Variants in SGSM3 observed in about 807,000 individuals in gnomAD.
SGSM3 encodes small G protein signaling modulator 3.
Under a neutral mutation model 100.5 loss-of-function variants are expected in SGSM3, and 96 were observed. The observed-to-expected ratio is 0.96, with a 90% CI of 0.81 to 1.13. The LOEUF (loss-of-function observed/expected upper bound fraction) is 1.13. Ranked by LOEUF, SGSM3 falls within the 50% of genes most tolerant of loss-of-function variation. The pLI is 0.00. For missense variants in SGSM3, 1,001 were observed against 1,015.8 expected (o/e 0.99, Z 0.20); for synonymous variants, 483 against 422.8 (o/e 1.14, Z -1.75).
chr22:40,400,299 A>G (rs1421129595), intron 1 of SGSM3, among the ~76,000 whole-genome samples: 1 of 152,202 alleles, frequency 6.6e-6, no homozygotes. Context: ...GTTGTCACCT[A>G]CTTCCTTTCG....
chr22:40,409,972 A>C lies in SGSM3; in HGVS notation c.*213A>C. ...GGTCCTTAGGGATGCTCTAGGCCAA[A>C]CCACAGTTTGTACCAAAAACCTTGT... is the stretch of plus-strand genomic sequence containing the variant. On this transcript the variant is annotated 3_prime_UTR_variant, in exon 22 of 22. Transcript: ENST00000248929. 7.4e-7 allele frequency: 1 copy of C among 1,350,498 alleles called. No individual in the cohort carries two copies. The highest frequency in any genetic ancestry group is 3.7e-5 in the Admixed American group (1 of 27,132). The allele number at this position is 1,350,498 out of a possible 1,614,324, so 83.7% of individuals were successfully genotyped here.
chr22:40,402,575 A>G (rs532638397), intron 4 of SGSM3, among the ~76,000 whole-genome samples: 1 of 152,288 alleles, frequency 6.6e-6, no homozygotes, highest in Non-Finnish European at 1.5e-5. Context: ...CCCCATCTCT[A>G]CTAAAAATAC....
chr22:40,409,936 T>G lies in SGSM3; in HGVS notation c.*177T>G. The G allele has an allele frequency of 4.3e-6, 6 of 1,395,558 alleles. No homozygotes were observed. The highest frequency in any genetic ancestry group is 2.7e-5 in the East Asian group (1 of 36,774). 86.4% of individuals were successfully genotyped at this position (1,395,558 alleles called of 1,614,324 possible). ...CAGGTGGTGGGAGCAGAGGGTACCC[T>G]GCCCCACCAGGGTCCTTAGGGATGC... On this transcript the variant is annotated 3_prime_UTR_variant, in exon 22 of 22. Transcript: ENST00000248929.
At position 40,407,111 on chromosome 22, in the gene SGSM3, G is replaced by C; in HGVS notation, c.1240+40G>C. ...AGTGCCAGGCAGTGTGGGCATGCGG[G>C]AGTCTGTCCTCACGCTCATGTGGAC... On this transcript the variant is annotated intron_variant, in intron 11 of 21. Transcript: ENST00000248929. This position sits in a 1 kb window ranked among gnomAD's most constrained non-coding sequence, Gnocchi z 4.7. 6.2e-7 allele frequency: 1 copy of C among 1,608,064 alleles called. No homozygotes were observed. Among genetic ancestry groups the C allele is most frequent in the Non-Finnish European group, 8.5e-7 (1 of 1,177,476 alleles).
intron 1 of SGSM3, among the ~76,000 whole-genome samples, chr22:40,388,871 T>A (rs1601882507): frequency 6.6e-6 from 1 of 151,968 alleles, no homozygotes; most frequent in Admixed American, 6.6e-5. Context: ...GGTAGGTAGG[T>A]CGTAATGGCA....
At chr22:40,401,739 C>G in intron 3 of SGSM3, 64 bp downstream of exon 3, 1 of 1,397,578 alleles carries the variant, frequency 7.2e-7, no homozygotes, top group Non-Finnish European at 1.0e-6. Flanking sequence ...GGGGACCCAG[C>G]TCTGCAGGCT....
intron 1 of SGSM3, among the ~76,000 whole-genome samples, chr22:40,378,458 G>C (rs1035962044): frequency 1.3e-5 from 2 of 151,480 alleles, no homozygotes; most frequent in African/African-American, 4.9e-5. Context: ...GCCGGGCACG[G>C]TGGCTGATGC....
chr22:40,386,947 T>A (rs2048564077), intron 1 of SGSM3, among the ~76,000 whole-genome samples: 1 of 152,176 alleles, frequency 6.6e-6, no homozygotes, highest in South Asian at 2.1e-4. Context: ...AAAATTTTTT[T>A]TAGTTGCTTT....
intron 1 of SGSM3, among the ~76,000 whole-genome samples, chr22:40,387,929 T>C (rs1362355063): frequency 6.6e-6 from 1 of 152,200 alleles, no homozygotes; most frequent in Non-Finnish European, 1.5e-5. Context: ...GGGACACGCA[T>C]ACCTTGTGTG....
chr22:40,377,541 A>G (rs2046837822), intron 1 of SGSM3, among the ~76,000 whole-genome samples: 1 of 152,212 alleles, frequency 6.6e-6, no homozygotes, highest in African/African-American at 2.4e-5. Flanking sequence ...CATGTCATGT[A>G]AGAGTTAAAA....
At chr22:40,371,783 G>A (rs2045542204) in intron 1 of SGSM3, among the ~76,000 whole-genome samples, 1 of 151,604 alleles carries the variant, frequency 6.6e-6, no homozygotes, top group Non-Finnish European at 1.5e-5. Context: ...TGCAAGCTCC[G>A]CCTCCCGGAT....
intron 1 of SGSM3, among the ~76,000 whole-genome samples, chr22:40,385,788 A>C (rs17001872): frequency 0.023 from 3,519 of 152,322 alleles, 132 homozygotes; most frequent in African/African-American, 0.081. Flanking sequence ...CGTGAAGATA[A>C]ATAGCATGTG....
At position 40,409,111 on chromosome 22, in the gene SGSM3, AAG is replaced by A. The variant is rs1473813732; in HGVS notation, c.1988+95_1988+96del. 6.4e-6 allele frequency: 10 copies of A among 1,553,478 alleles called. No homozygotes were observed. In the Admixed American group the frequency reaches 1.7e-4, roughly 27 times the overall value. ...TCCTTACAGGGAACCCTAAAGGACAAAGAACCTCAGGGGCTCAGGTCCTTCCC... is the reference window on the plus strand; with the variant it reads ...TCCTTACAGGGAACCCTAAAGGACAAAACCTCAGGGGCTCAGGTCCTTCCC... On this transcript the variant is annotated intron_variant, in intron 19 of 21. Transcript: ENST00000248929.
Position 40,401,586 on chromosome 22 carries a change from G to T in SGSM3, c.8-7G>T, listed in dbSNP as rs2050767481. 1.9e-6 allele frequency: 3 copies of T among 1,611,044 alleles called. No individual in the cohort carries two copies. The highest frequency in any genetic ancestry group is 2.5e-6 in the Non-Finnish European group (3 of 1,177,844). Reference sequence around the variant, plus strand: ...TTGATTGTTCTCCTGGTCCTCTTTGGTTTTAGGAAGCCATACACCTGCCTG... The same window carrying T: ...TTGATTGTTCTCCTGGTCCTCTTTGTTTTTAGGAAGCCATACACCTGCCTG... On this transcript the variant is annotated splice_region_variant and splice_polypyrimidine_tract_variant and intron_variant, in intron 2 of 21. Coordinates refer to ENST00000248929, the MANE Select transcript of SGSM3 (RefSeq NM_015705.6).
chr22:40,390,239 C>G (rs1353897677), intron 1 of SGSM3: 1 of 152,186 alleles, frequency 6.6e-6, no homozygotes, highest in Non-Finnish European at 1.5e-5. Context: ...GGTGGTAACA[C>G]GGTTCAAAAT....
rs986697053 is a variant in SGSM3 at position 40,408,645 on chromosome 22, G to A, written c.1801G>A (p.Glu601Lys). The A allele has an allele frequency of 3.7e-6, 6 of 1,613,970 alleles. No individual in the cohort carries two copies. The highest frequency in any genetic ancestry group is 2.2e-5 in the East Asian group (1 of 44,876). ...CCCACAGGCTGCAGGCCGGGAGGTCGAGAGAGACTTTGCCTCCGTGTATTC... is the reference window on the plus strand; with the variant it reads ...CCCACAGGCTGCAGGCCGGGAGGTCAAGAGAGACTTTGCCTCCGTGTATTC... ...FIEEAAGREV[E>K]RDFASVYSRL... Residue 601 changes from glutamate to lysine, a missense_variant, in exon 17 of 22, where the codon GAG becomes AAG. Glu to Lys is a moderately conservative substitution (Grantham distance 56). Transcript: ENST00000248929.
At chr22:40,386,647 C>G (rs1036123600) in intron 1 of SGSM3, among the ~76,000 whole-genome samples, 1 of 144,798 alleles carries the variant, frequency 6.9e-6, no homozygotes, top group South Asian at 2.2e-4. Context: ...GTCTTGAACT[C>G]CTGGCCTCAA....
chr22:40,370,983 C>T (rs934050854), intron 1 of SGSM3, among the ~76,000 whole-genome samples: 14 of 152,372 alleles, frequency 9.2e-5, no homozygotes, highest in African/African-American at 2.6e-4. Flanking sequence ...CCGGAATCCA[C>T]CGCGCTGGCA....
chr22:40,405,374 C>T, intron 7 of SGSM3, 90 bp downstream of exon 7: 1 of 1,254,790 alleles, frequency 8.0e-7, no homozygotes, highest in Non-Finnish European at 1.1e-6. Context: ...GGGCAGTAGC[C>T]CCAGGGCCTC....
Sources: allele counts gnomAD v4.1 joint callset (sites outside exome capture counted in the v4.1 genomes callset), GRCh38; gene constraint gnomAD v4.1.1; non-coding constraint Gnocchi (gnomAD v3.1); transcripts MANE v1.5; gene names NCBI Gene and HGNC (gene_info 2026-07-23, HGNC 2026-07-21).